Variants in ANKFN1 observed in about 807,000 individuals in gnomAD.
The protein encoded by ANKFN1 is ankyrin repeat and fibronectin type III domain containing 1.
A neutral mutation model predicts 108.7 loss-of-function variants in ANKFN1; 74 were observed. That is an observed-to-expected ratio of 0.68 (90% CI 0.56 to 0.83). The LOEUF is 0.83. Ranked by LOEUF, ANKFN1 falls within the 40% of genes least tolerant of loss-of-function variation. ANKFN1 has a pLI of 0.00. For missense variants in ANKFN1, 1,505 were observed against 1,382.3 expected (o/e 1.09, Z -1.41); for synonymous variants, 547 against 516.2 (o/e 1.06, Z -0.81).
intron 3 of ANKFN1, among the ~76,000 whole-genome samples, chr17:56,244,882 A>T (rs1480497348): frequency 6.6e-6 from 1 of 151,798 alleles, no homozygotes; most frequent in African/African-American, 2.4e-5. Context: ...TCAGATGGCC[A>T]TTTTTTTTGT....
At chr17:56,130,713 T>C (rs1176778093) in intron 4 of ANKFN1, among the ~76,000 whole-genome samples, 1 of 152,174 alleles carries the variant, frequency 6.6e-6, no homozygotes, top group Non-Finnish European at 1.5e-5. Context: ...GGGAGGACAG[T>C]TCACTTTGCT....
intron 5 of ANKFN1, among the ~76,000 whole-genome samples, chr17:56,352,127 A>G (rs528462722): frequency 2.0e-5 from 3 of 152,320 alleles, no homozygotes; most frequent in South Asian, 4.1e-4. Context: ...GGGCCTAAGC[A>G]TCAGAGGCTC....
At chr17:56,449,296 T>C in intron 11 of ANKFN1, 110 bp downstream of exon 11, 1 of 712,934 alleles carries the variant, frequency 1.4e-6, no homozygotes, top group Non-Finnish European at 2.3e-6. Context: ...GAGAGAGATA[T>C]TAATATTTGT....
chr17:56,114,404 C>G (rs1290442239), intron 4 of ANKFN1, among the ~76,000 whole-genome samples: 1 of 152,122 alleles, frequency 6.6e-6, no homozygotes, highest in Non-Finnish European at 1.5e-5. Flanking sequence ...CAGGGAAAAA[C>G]AAAACACTAG....
intron 3 of ANKFN1, among the ~76,000 whole-genome samples, chr17:56,299,699 A>G (rs2044619007): frequency 6.6e-6 from 1 of 152,204 alleles, no homozygotes; most frequent in Non-Finnish European, 1.5e-5. Context: ...TAGTTGTAGC[A>G]GAGACCCCTG....
chr17:56,225,745 C>T (rs1415466332), intron 2 of ANKFN1, among the ~76,000 whole-genome samples: 1 of 152,214 alleles, frequency 6.6e-6, no homozygotes, highest in East Asian at 1.9e-4. Context: ...AAAAAGCACA[C>T]TGCCACAGTA....
intron 3 of ANKFN1, among the ~76,000 whole-genome samples, chr17:56,234,206 T>C (rs897024621): frequency 4.2e-4 from 64 of 152,282 alleles, no homozygotes; most frequent in African/African-American, 1.5e-3. Context: ...ATTAGGAAGA[T>C]GTGCAGTAAC....
At chr17:56,310,014 A>G (rs1056010885) in intron 3 of ANKFN1, among the ~76,000 whole-genome samples, 4 of 152,158 alleles carry the variant, frequency 2.6e-5, no homozygotes, top group African/African-American at 4.8e-5. Context: ...TCCGCTTCAC[A>G]TGATCCTGGA....
chr17:56,261,220 T>C (rs1054264453), intron 3 of ANKFN1, among the ~76,000 whole-genome samples: 11 of 152,226 alleles, frequency 7.2e-5, no homozygotes, highest in Non-Finnish European at 4.4e-5. Context: ...ACACACCAGA[T>C]GCTGTTATTG....
At position 56,242,328 on chromosome 17, in the gene ANKFN1, G is replaced by A. The variant is rs111507165; in HGVS notation, c.53+14371G>A. Reference sequence around the variant, plus strand: ...CATCTTTGTTATACTGTACTATTCCGTCCATGGGTATAACATATTGTATAA... The same window carrying A: ...CATCTTTGTTATACTGTACTATTCCATCCATGGGTATAACATATTGTATAA... On this transcript the variant is annotated intron_variant, in intron 3 of 20. Coordinates refer to ENST00000682825, the MANE Select transcript of ANKFN1 (RefSeq NM_001370326.1). Among the ~76,000 whole-genome samples the A allele has an allele frequency of 3.2e-3, 483 of 151,912 alleles. 2 individuals carry two copies. The highest frequency in any genetic ancestry group is 0.011 in the African/African-American group (451 of 41,476).
intron 8 of ANKFN1, among the ~76,000 whole-genome samples, chr17:56,380,668 G>C (rs2047071848): frequency 6.6e-6 from 1 of 152,234 alleles, no homozygotes; most frequent in Non-Finnish European, 1.5e-5. Context: ...TACGCCCACG[G>C]AGTCTCGCTG....
intron 4 of ANKFN1, among the ~76,000 whole-genome samples, chr17:56,082,755 A>G (rs1229837303): frequency 1.3e-5 from 2 of 152,208 alleles, no homozygotes; most frequent in Non-Finnish European, 2.9e-5. Context: ...TGGTGAGACA[A>G]CACAATGACT....
At chr17:56,143,655 A>C (rs1039610240) in intron 4 of ANKFN1, among the ~76,000 whole-genome samples, 2 of 152,228 alleles carry the variant, frequency 1.3e-5, no homozygotes, top group Non-Finnish European at 2.9e-5. Flanking sequence ...GATATAATTA[A>C]GTCAAGGGTC....
At chr17:56,429,859 A>T (rs2048695632) in intron 8 of ANKFN1, among the ~76,000 whole-genome samples, 1 of 152,188 alleles carries the variant, frequency 6.6e-6, no homozygotes, top group African/African-American at 2.4e-5. Context: ...GAGTTTAAAA[A>T]ATTAATAGGA....
At chr17:56,152,657 A>G (rs1275206064), upstream of ANKFN1, among the ~76,000 whole-genome samples, 1 of 152,062 alleles carries the variant, frequency 6.6e-6, no homozygotes, top group African/African-American at 2.4e-5. Context: ...TCCTTCAGCA[A>G]CCATTCAGGT....
intron 4 of ANKFN1, among the ~76,000 whole-genome samples, chr17:56,128,593 T>C (rs1430424388): frequency 6.6e-6 from 1 of 152,188 alleles, no homozygotes; most frequent in Admixed American, 6.5e-5. Context: ...CTGGTGAGAC[T>C]TTTTATAAAA....
At chr17:56,332,588 G>A (rs767934687) in intron 4 of ANKFN1, among the ~76,000 whole-genome samples, 2 of 152,032 alleles carry the variant, frequency 1.3e-5, no homozygotes, top group Non-Finnish European at 2.9e-5. Flanking sequence ...CTTTTTCAGA[G>A]ATGAATTGAT....
At chr17:56,203,440 A>G (rs1181577534) in intron 1 of ANKFN1, among the ~76,000 whole-genome samples, 4 of 152,086 alleles carry the variant, frequency 2.6e-5, no homozygotes, top group South Asian at 2.1e-4. Context: ...TAGGCCCTCA[A>G]TATTCATTCC....
intron 4 of ANKFN1, among the ~76,000 whole-genome samples, chr17:56,333,890 G>T (rs1362559112): frequency 1.3e-5 from 2 of 152,066 alleles, no homozygotes; most frequent in Non-Finnish European, 2.9e-5. Context: ...CTAAAGCCTG[G>T]TCCTATAGCC....
Sources: gnomAD v4.1 joint callset for allele counts (sites outside exome capture counted in the v4.1 genomes callset) on GRCh38, gnomAD v4.1.1 for gene constraint, MANE v1.5 for transcripts, NCBI Gene and HGNC (gene_info 2026-07-23, HGNC 2026-07-21) for gene names.